Variants in ANXA3 observed in about 807,000 individuals in gnomAD.
The protein encoded by ANXA3 is 35-alpha calcimedin.
Under a neutral mutation model 48.8 loss-of-function variants are expected in ANXA3, and 46 were observed. That is an observed-to-expected ratio of 0.94 (90% confidence interval 0.74 to 1.21). ANXA3 has a LOEUF of 1.21. ANXA3 is among the 50% of genes most tolerant of loss of function. The pLI is 0.00. For synonymous variants in ANXA3, 128 were observed against 134.7 expected (o/e 0.95, Z 0.35); for missense variants, 383 against 378.6 (o/e 1.01, Z -0.10).
chr4:78,566,095 A>G (rs1560441443), intron 2 of ANXA3, among the ~76,000 whole-genome samples: 1 of 152,262 alleles, frequency 6.6e-6, no homozygotes, highest in East Asian at 1.9e-4. Flanking sequence ...GAGAGGCGGG[A>G]AGAAACCTAG....
At chr4:78,585,679 A>G (rs1299916157) in intron 5 of ANXA3, among the ~76,000 whole-genome samples, 1 of 152,234 alleles carries the variant, frequency 6.6e-6, no homozygotes, top group Non-Finnish European at 1.5e-5. Context: ...GTCTCTGTTC[A>G]TATGCTGCAC....
chr4:78,582,463 A>G (rs1723092319), intron 5 of ANXA3, 173 bp downstream of exon 5: 1 of 499,556 alleles, frequency 2.0e-6, no homozygotes, highest in Admixed American at 3.6e-5. Context: ...CTTAAGCCCA[A>G]ATGTTCCTGG....
In ANXA3 at chr4:78,595,445, A is replaced by G. The variant is rs760989856; in HGVS notation, c.540+8A>G. On this transcript the variant is annotated splice_region_variant and intron_variant, in intron 8 of 12. Coordinates refer to ENST00000264908, the MANE Select transcript of ANXA3 (RefSeq NM_005139.3). ...GCCAAACAAGATGCCCAGGTCAGTAACAAAGCGGGAAAACATTTCCTTTAC... is the reference window on the plus strand; with the variant it reads ...GCCAAACAAGATGCCCAGGTCAGTAGCAAAGCGGGAAAACATTTCCTTTAC... 1.9e-6 allele frequency: 3 copies of G among 1,613,070 alleles called. No homozygotes were observed. Among genetic ancestry groups the G allele is most frequent in the Non-Finnish European group, 2.5e-6 (3 of 1,179,690 alleles).
chr4:78,563,269 A>G (rs1237453372), intron 2 of ANXA3, among the ~76,000 whole-genome samples: 1 of 152,158 alleles, frequency 6.6e-6, no homozygotes, highest in Non-Finnish European at 1.5e-5. Flanking sequence ...TACAAACAGG[A>G]GACATCCCTG....
At chr4:78,601,700 C>T (rs556371751) in intron 11 of ANXA3, 132 bp downstream of exon 11, 154 of 754,722 alleles carry the variant, frequency 2.0e-4, no homozygotes, top group Middle Eastern at 2.0e-3. Flanking sequence ...AATTATATTA[C>T]AGCAAATCAA....
intron 7 of ANXA3, among the ~76,000 whole-genome samples, chr4:78,593,721 C>T (rs1270398949): frequency 6.7e-6 from 1 of 149,508 alleles, no homozygotes; most frequent in Admixed American, 6.7e-5. Flanking sequence ...ACTGTAGTCT[C>T]GACCTCCTGG....
At chr4:78,579,456 G>C (rs1723030019) in intron 4 of ANXA3, among the ~76,000 whole-genome samples, 1 of 152,196 alleles carries the variant, frequency 6.6e-6, no homozygotes, top group Non-Finnish European at 1.5e-5. Context: ...GGATGGTGGG[G>C]AGTACTTCTA....
intron 12 of ANXA3, 61 bp downstream of exon 12, chr4:78,604,460 C>G (rs1723608543): frequency 7.5e-7 from 1 of 1,335,730 alleles, no homozygotes; most frequent in African/African-American, 1.5e-5. Flanking sequence ...TCTCCTTACT[C>G]TTATATGCCT....
intron 7 of ANXA3, among the ~76,000 whole-genome samples, chr4:78,593,623 T>A (rs911263657): frequency 7.1e-6 from 1 of 141,680 alleles, no homozygotes; most frequent in Admixed American, 6.9e-5. Flanking sequence ...TCCTTTCCTT[T>A]CCATTATTAT....
chr4:78,601,498 T>C lies in ANXA3; in HGVS notation c.731-12T>C. Reference sequence around the variant, plus strand: ...TTCCGTGAAGCTGAACATTATTTGCTTTTTGTTACAGTTAATTGTGTGAGG... The same window carrying C: ...TTCCGTGAAGCTGAACATTATTTGCCTTTTGTTACAGTTAATTGTGTGAGG... On this transcript the variant is annotated splice_polypyrimidine_tract_variant and intron_variant, in intron 10 of 12. Coordinates refer to ENST00000264908, the MANE Select transcript of ANXA3 (RefSeq NM_005139.3). 6.2e-7 allele frequency: 1 copy of C among 1,613,554 alleles called. No homozygotes were observed. Among genetic ancestry groups the C allele is most frequent in the African/African-American group, 1.3e-5 (1 of 75,038 alleles).
chr4:78,573,798 G>A (rs930712534), intron 3 of ANXA3, among the ~76,000 whole-genome samples: 3 of 152,062 alleles, frequency 2.0e-5, no homozygotes, highest in Admixed American at 6.6e-5. Context: ...ACCAAATGTC[G>A]GTGTTTCCGG....
intron 7 of ANXA3, among the ~76,000 whole-genome samples, chr4:78,592,859 G>A (rs114780861): frequency 0.014 from 2,198 of 152,174 alleles, 52 homozygotes; most frequent in African/African-American, 0.05. Context: ...TCATTGGAGC[G>A]AGCGTAAGTG....
At chr4:78,569,096 A>G (rs1485356736) in intron 2 of ANXA3, among the ~76,000 whole-genome samples, 1 of 152,208 alleles carries the variant, frequency 6.6e-6, no homozygotes, top group Non-Finnish European at 1.5e-5. Flanking sequence ...TTCTTAGTAT[A>G]AAGAGCTCCT....
intron 8 of ANXA3, 152 bp from the exon 9 acceptor site, chr4:78,595,642 G>A (rs914409361): frequency 1.3e-6 from 1 of 746,082 alleles, no homozygotes; most frequent in Non-Finnish European, 2.2e-6. Context: ...CTTGGCTCCT[G>A]ACAGCCCAAT....
chr4:78,577,382 C>G (rs934069895), intron 3 of ANXA3, among the ~76,000 whole-genome samples: 1 of 152,082 alleles, frequency 6.6e-6, no homozygotes, highest in Non-Finnish European at 1.5e-5. Context: ...AAAGACAAGT[C>G]AGAGAGGAAA....
Position 78,579,029 on chromosome 4 carries a change from A to G in ANXA3, c.106A>G (p.Thr36Ala), listed in dbSNP as rs762010838. ...AIQKAIRGIGTDEKMLISILT... is the reference protein window; with the variant it reads ...AIQKAIRGIGADEKMLISILT... The stretch of plus-strand genomic sequence containing the variant: ...AAAATAACTTTTGTTTCATTTAGGA[A>G]CTGATGAGAAAATGCTCATCAGCAT... The change falls in exon 4 of 13, where the codon ACT becomes GCT. Residue 36 changes from threonine to alanine, a missense_variant and splice_region_variant. Thr to Ala is a moderately conservative substitution (Grantham distance 58). Coordinates refer to ENST00000264908, the MANE Select transcript of ANXA3 (RefSeq NM_005139.3). 6.2e-7 allele frequency: 1 copy of G among 1,604,624 alleles called. No individual in the cohort carries two copies. The highest frequency in any genetic ancestry group is 1.1e-5 in the South Asian group (1 of 90,606).
intron 7 of ANXA3, among the ~76,000 whole-genome samples, chr4:78,593,606 T>G (rs1162876084): frequency 6.6e-6 from 1 of 150,434 alleles, no homozygotes; most frequent in Non-Finnish European, 1.5e-5. Flanking sequence ...GACCCTATTC[T>G]ACTCTCTCCT....
intron 2 of ANXA3, among the ~76,000 whole-genome samples, chr4:78,564,229 G>A (rs1020071134): frequency 7.2e-5 from 11 of 152,142 alleles, no homozygotes; most frequent in Non-Finnish European, 1.0e-4. Context: ...GAGACAGGAA[G>A]GAAGATGTAA....
chr4:78,554,790 C>T (rs186358246), intron 2 of ANXA3, among the ~76,000 whole-genome samples: 9 of 152,200 alleles, frequency 5.9e-5, no homozygotes, highest in South Asian at 2.1e-4. Flanking sequence ...GAAGAAGAGA[C>T]GGATTATTCA....
Sources: gnomAD v4.1 joint callset for allele counts (sites outside exome capture counted in the v4.1 genomes callset) on GRCh38, gnomAD v4.1.1 for gene constraint, MANE v1.5 for transcripts, NCBI Gene and HGNC (gene_info 2026-07-23, HGNC 2026-07-21) for gene names.